The following AASDH variants were observed in gnomAD, a reference collection of about 807,000 sequenced individuals.
AASDH encodes the protein beta-alanine-activating enzyme.
A neutral mutation model predicts 102.3 loss-of-function variants in AASDH; 81 were observed. The ratio of observed to expected loss-of-function variants is 0.79; its 90% confidence interval spans 0.66 to 0.95. AASDH has a LOEUF of 0.95. Ranked by LOEUF, AASDH falls within the 40% of genes least tolerant of loss-of-function variation. The pLI is 0.00. For synonymous variants in AASDH, 398 were observed against 454.0 expected, an observed-to-expected ratio of 0.88 and a Z score of 1.57; for missense variants, 1,203 against 1,266.2, an observed-to-expected ratio of 0.95 and a Z score of 0.76.
rs1472792326 is a variant in AASDH, at chr4:56,355,605, T to G, written c.862-182A>C. ...ACATTATCTTCTTGTTTTTTTTTTTTTTTTTTTTTTGGTTTTGTTTGTTTG... is the reference window on the plus strand; with the variant it reads ...ACATTATCTTCTTGTTTTTTTTTTTGTTTTTTTTTTGGTTTTGTTTGTTTG... On this transcript the variant is annotated intron_variant, in intron 5 of 14. Coordinates refer to ENST00000205214, the MANE Select transcript of AASDH (RefSeq NM_181806.4). 2.7e-5 allele frequency among the ~76,000 whole-genome samples: 4 copies of G among 150,214 alleles called. 1 individual carries two copies. The highest frequency in any genetic ancestry group is 4.2e-4 in the South Asian group (2 of 4,708).
rs1211699876 is a variant in AASDH at position 56,350,128 on chromosome 4, T to C, written c.1693-70A>G. 2.4e-6 allele frequency: 3 copies of C among 1,258,598 alleles called. No individual in the cohort carries two copies. The Admixed American group carries it at 8.2e-5, about 34-fold the overall frequency. The allele number at this position is 1,258,598 out of a possible 1,614,324, so 78.0% of individuals were successfully genotyped here. A position where few individuals can be genotyped will look rare whatever the true frequency, so the allele number is the denominator to read the frequency against. On this transcript the variant is annotated intron_variant, in intron 10 of 14. Coordinates refer to ENST00000205214, the MANE Select transcript of AASDH (RefSeq NM_181806.4). ...AGCAAAAGACTTCAACATTTACAGG[T>C]AATATATAGAGATGAGAGTACCTAC...
At chr4:56,358,156 T>C (rs1560585804) in intron 5 of AASDH, among the ~76,000 whole-genome samples, 1 of 152,032 alleles carries the variant, frequency 6.6e-6, no homozygotes, top group Non-Finnish European at 1.5e-5. Context: ...TGTACAAATA[T>C]ATATATAGAA....
At chr4:56,348,681 G>C (rs1748611511) in intron 11 of AASDH, among the ~76,000 whole-genome samples, 1 of 152,160 alleles carries the variant, frequency 6.6e-6, no homozygotes, top group Non-Finnish European at 1.5e-5. Context: ...AGGAATGTTA[G>C]CTGCCATGTT....
chr4:56,346,582 AAC>A (rs1367633924), intron 11 of AASDH, among the ~76,000 whole-genome samples: 21 of 152,314 alleles, frequency 1.4e-4, no homozygotes, highest in Admixed American at 1.0e-3. Flanking sequence ...AAAAGAATAA[AAC>A]ACAAGCCCCA....
rs371144059 is a variant in AASDH, at chr4:56,370,596, G to A, written c.861+855C>T. On this transcript the variant is annotated intron_variant, in intron 5 of 14. Transcript: ENST00000205214. ...AAAGACCGCAGTCTAATGAATCAGC[G>A]AGTGGGCCCCTCGTGAGAGATCAAA... 7.5e-4 allele frequency among the ~76,000 whole-genome samples: 114 copies of A among 152,110 alleles called. 1 individual carries two copies. The South Asian group carries it at 0.023, about 30-fold the overall frequency.
chr4:56,341,449 G>T (rs1747678263), intron 14 of AASDH, among the ~76,000 whole-genome samples: 1 of 131,412 alleles, frequency 7.6e-6, no homozygotes, highest in South Asian at 2.4e-4. Flanking sequence ...CTGGAGTGCA[G>T]TGGCACAATC....
In AASDH at chr4:56,356,152, C is replaced by T. The variant is rs1013378713; in HGVS notation, c.862-729G>A. The stretch of plus-strand genomic sequence containing the variant: ...CGTCCAAGATGCCAAAAGGAAAGGC[C>T]AAGGGAAAGAAGGTGGCTCTGGCCC... On this transcript the variant is annotated intron_variant, in intron 5 of 14. Coordinates refer to ENST00000205214, the MANE Select transcript of AASDH (RefSeq NM_181806.4). 4 of 675,842 alleles carry T rather than the reference C, an allele frequency of 5.9e-6. No individual in the cohort carries two copies. The African/African-American group carries it at 7.2e-5, about 12-fold the overall frequency. 41.9% of individuals were successfully genotyped at this position (675,842 alleles called of 1,614,324 possible).
At chr4:56,381,584 CA>C (rs564727163) in intron 3 of AASDH, among the ~76,000 whole-genome samples, 78 of 124,532 alleles carry the variant, frequency 6.3e-4, no homozygotes, top group Non-Finnish European at 6.5e-4. Flanking sequence ...GACTCTGGCT[CA>C]AAAAAAAAAA....
chr4:56,357,880 C>T (rs954168429), intron 5 of AASDH, among the ~76,000 whole-genome samples: 1 of 151,388 alleles, frequency 6.6e-6, no homozygotes, highest in African/African-American at 2.4e-5. Context: ...TCATTTCTAA[C>T]AAAAAAGCCT....
At chr4:56,378,043 T>C in intron 4 of AASDH, 105 bp downstream of exon 4, 2 of 1,115,452 alleles carry the variant, frequency 1.8e-6, no homozygotes, top group Non-Finnish European at 1.3e-6. Context: ...TGACCTCAAG[T>C]GATCCACCCG....
At chr4:56,362,642 A>C (rs1018024326) in intron 5 of AASDH, among the ~76,000 whole-genome samples, 2 of 152,282 alleles carry the variant, frequency 1.3e-5, no homozygotes, top group Non-Finnish European at 2.9e-5. Context: ...AATCTATATA[A>C]GGAGCGCTTT....
chr4:56,372,413 G>C (rs1196814179), intron 4 of AASDH, among the ~76,000 whole-genome samples: 1 of 152,178 alleles, frequency 6.6e-6, no homozygotes, highest in Admixed American at 6.5e-5. Flanking sequence ...CTTATTCAAT[G>C]ATGTTTAATA....
intron 13 of AASDH, 118 bp from the exon 14 acceptor site, chr4:56,343,084 G>T: frequency 1.0e-6 from 1 of 982,112 alleles, no homozygotes; most frequent in Non-Finnish European, 1.4e-6. Flanking sequence ...AAATGCTGTA[G>T]TGGTATGCAG....
At chr4:56,363,177 G>A (rs1255070214) in intron 5 of AASDH, among the ~76,000 whole-genome samples, 1 of 152,210 alleles carries the variant, frequency 6.6e-6, no homozygotes, top group African/African-American at 2.4e-5. Flanking sequence ...GGCTGGGGGA[G>A]GGGCGCCCAC....
intron 14 of AASDH, among the ~76,000 whole-genome samples, chr4:56,339,381 G>T (rs893477082): frequency 7.2e-5 from 11 of 151,858 alleles, no homozygotes; most frequent in Non-Finnish European, 1.3e-4. Context: ...TCCTGACCTC[G>T]TGATCCGCCC....
intron 5 of AASDH, among the ~76,000 whole-genome samples, chr4:56,368,868 TAAAA>T (rs71666124): frequency 9.3e-6 from 1 of 107,872 alleles, no homozygotes; most frequent in African/African-American, 3.1e-5. Flanking sequence ...AAACTTAAAT[TAAAA>T]AAAAAAACAA....
In AASDH at chr4:56,367,457, A is replaced by C. The variant is rs1415208302; in HGVS notation, c.861+3994T>G. On this transcript the variant is annotated intron_variant, in intron 5 of 14. Transcript: ENST00000205214. ...AAAGCTGGAGGCATCATGCTACCTG[A>C]CTTCAAACTATATGACAAGGCTACA... 4.1e-5 allele frequency among the ~76,000 whole-genome samples: 4 copies of C among 98,656 alleles called. 2 individuals are homozygous for C. The highest frequency in any genetic ancestry group is 8.8e-5 in the Non-Finnish European group (4 of 45,232). 64.7% of individuals were successfully genotyped at this position (98,656 alleles called of 152,430 possible).
At chr4:56,361,666 A>C (rs1310909957) in intron 5 of AASDH, among the ~76,000 whole-genome samples, 3 of 152,068 alleles carry the variant, frequency 2.0e-5, no homozygotes, top group Non-Finnish European at 4.4e-5. Flanking sequence ...CTAATATTTT[A>C]CTCTAAAATG....
chr4:56,364,591 A>G (rs1385296543), intron 5 of AASDH, among the ~76,000 whole-genome samples: 2 of 152,242 alleles, frequency 1.3e-5, no homozygotes, highest in Non-Finnish European at 1.5e-5. Flanking sequence ...AGAATTTTCA[A>G]CCCAGAATTT....
Sources: gnomAD v4.1 joint callset for allele counts (sites outside exome capture counted in the v4.1 genomes callset) on GRCh38, gnomAD v4.1.1 for gene constraint, MANE v1.5 for transcripts, NCBI Gene and HGNC (gene_info 2026-07-23, HGNC 2026-07-21) for gene names.